The following DNAJB13 variants were observed in gnomAD, a reference collection of about 807,000 sequenced individuals.
The protein encoded by DNAJB13 is dnaJ homolog subfamily B member 13.
Under a neutral mutation model 35.6 loss-of-function variants are expected in DNAJB13, and 22 were observed. The ratio of observed to expected loss-of-function variants is 0.62; its 90% confidence interval spans 0.44 to 0.88. The LOEUF (loss-of-function observed/expected upper bound fraction) is 0.88, where lower values mean the gene tolerates loss of function less well. Ranked by LOEUF, DNAJB13 falls within the 40% of genes least tolerant of loss-of-function variation. The pLI is 0.00. For missense variants in DNAJB13, 370 were observed against 384.3 expected, an observed-to-expected ratio of 0.96 and a Z score of 0.31; for synonymous variants, 136 against 144.2, an observed-to-expected ratio of 0.94 and a Z score of 0.41.
At chr11:73,961,242 T>C (rs1384797630) in intron 3 of DNAJB13, among the ~76,000 whole-genome samples, 1 of 152,140 alleles carries the variant, frequency 6.6e-6, no homozygotes, top group African/African-American at 2.4e-5. Flanking sequence ...ATCGGGCCAC[T>C]GCACTCCAGC....
Position 73,958,402 on chromosome 11 carries a change from T to C in DNAJB13, c.154T>C (p.Tyr52His). ...AEIFRQIAEAYDVLSDPMKRG... is the reference protein window; with the variant it reads ...AEIFRQIAEAHDVLSDPMKRG... ...GATTTTCAGGCAAATAGCAGAGGCCTACGACGTGCTGAGTGACCGTGAGTA... is the reference window on the plus strand; with the variant it reads ...GATTTTCAGGCAAATAGCAGAGGCCCACGACGTGCTGAGTGACCGTGAGTA... The change falls in exon 2 of 8, where the codon TAC becomes CAC. Residue 52 changes from tyrosine (Y) to histidine (H), a missense_variant. Tyr to His is a moderately conservative substitution (Grantham distance 83). Transcript: ENST00000339764. 6.2e-7 allele frequency: 1 copy of C among 1,614,186 alleles called. No homozygotes were observed. The highest frequency in any genetic ancestry group is 8.5e-7 in the Non-Finnish European group (1 of 1,180,020).
intron 5 of DNAJB13, among the ~76,000 whole-genome samples, chr11:73,966,565 C>A (rs192501019): frequency 3.9e-5 from 6 of 152,302 alleles, no homozygotes; most frequent in Admixed American, 2.0e-4. Flanking sequence ...AGATCCCAGT[C>A]TGAACTCCAG....
At chr11:73,964,812 T>TGTGTGC (rs1491290663) in intron 3 of DNAJB13, 66 bp from the exon 4 acceptor site, 223 of 697,866 alleles carry the variant, frequency 3.2e-4, no homozygotes, top group South Asian at 9.7e-4. Flanking sequence ...TGTGTGTGTG[T>TGTGTGC]GCGCGCGCGC....
rs146350695 is a variant in DNAJB13 at position 73,962,142 on chromosome 11, G to A, written c.334+2487G>A. Among the ~76,000 whole-genome samples the A allele has an allele frequency of 1.3e-4, 20 of 152,254 alleles. No individual in the cohort carries two copies. In the East Asian group the frequency reaches 3.7e-3, roughly 28 times the overall value. ...CTTATTGATGGGTAGTTTCTTCCCA[G>A]TCTTTTGCTAATATTGTATTTGTGG... On this transcript the variant is annotated intron_variant, in intron 3 of 7. Transcript: ENST00000339764.
chr11:73,954,517 C>T (rs1950680280), intron 1 of DNAJB13, among the ~76,000 whole-genome samples: 1 of 151,012 alleles, frequency 6.6e-6, no homozygotes, highest in African/African-American at 2.4e-5. Context: ...GTAGTCCCAG[C>T]TACTCGGGAG....
chr11:73,951,041 T>C lies in DNAJB13; in HGVS notation c.-29T>C, dbSNP rs375279519. The C allele has an allele frequency of 6.2e-7, 1 of 1,613,144 alleles. No homozygotes were observed. The highest frequency in any genetic ancestry group is 1.1e-5 in the South Asian group (1 of 90,942). ...CAGCCTTGCTAGAGTCTGAGGACTA[T>C]CCAGGGCCTGACTGCCAGCTAGCCA... On this transcript the variant is annotated 5_prime_UTR_variant, in exon 1 of 8. Coordinates refer to ENST00000339764, the MANE Select transcript of DNAJB13 (RefSeq NM_153614.4).
chr11:73,969,938 T>A, intron 7 of DNAJB13, 23 bp from the exon 8 acceptor site: 2 of 1,597,814 alleles, frequency 1.3e-6, no homozygotes, highest in Non-Finnish European at 1.7e-6. Flanking sequence ...CCCTCTATGC[T>A]CCTTTCTTTC....
chr11:73,968,961 C>T lies in DNAJB13; in HGVS notation c.721-285C>T, dbSNP rs76355536. Among the ~76,000 whole-genome samples, 2,442 of 152,302 alleles carry T rather than the reference C, an allele frequency of 0.016. 60 individuals are homozygous for T. Among genetic ancestry groups the T allele is most frequent in the African/African-American group, 0.056 (2,308 of 41,556 alleles). On this transcript the variant is annotated intron_variant, in intron 6 of 7. Transcript: ENST00000339764. ...CTACCACCACTGCTACCACTTCCTGCCCCACTCCTGAATGGTTTAGGGGCC... is the reference window on the plus strand; with the variant it reads ...CTACCACCACTGCTACCACTTCCTGTCCCACTCCTGAATGGTTTAGGGGCC...
chr11:73,956,664 G>A (rs1487071217), intron 1 of DNAJB13, among the ~76,000 whole-genome samples: 2 of 152,062 alleles, frequency 1.3e-5, no homozygotes, highest in Non-Finnish European at 2.9e-5. Flanking sequence ...TTAGCCAGGC[G>A]TGGTGGCTCG....
rs200436670 is a variant in DNAJB13 at position 73,968,392 on chromosome 11, G to A, written c.654G>A (p.Lys218=). Residue 218 remains lysine, a synonymous_variant, in exon 6 of 8, where the codon AAG becomes AAA. Coordinates refer to ENST00000339764, the MANE Select transcript of DNAJB13 (RefSeq NM_153614.4). Reference sequence around the variant, plus strand: ...ACATCATTTTCATCGTAAAGGAGAAGCTACACCCTCGCTTCCGCAGGGAGA... The same window carrying A: ...ACATCATTTTCATCGTAAAGGAGAAACTACACCCTCGCTTCCGCAGGGAGA... The part of the protein sequence containing the change: ...PADIIFIVKE[K]LHPRFRREND... 1 of 1,614,128 alleles carries A rather than the reference G, an allele frequency of 6.2e-7. No individual in the cohort carries two copies. The highest frequency in any genetic ancestry group is 1.3e-5 in the African/African-American group (1 of 75,018).
chr11:73,964,737 G>A, intron 3 of DNAJB13, 141 bp from the exon 4 acceptor site: 2 of 928,826 alleles, frequency 2.2e-6, no homozygotes, highest in South Asian at 1.4e-5. Context: ...ACACTGAAGA[G>A]GTTGGGGAGC....
intron 2 of DNAJB13, 28 bp downstream of exon 2, chr11:73,958,448 G>A (rs752395903): frequency 5.7e-6 from 9 of 1,592,302 alleles, no homozygotes; most frequent in East Asian, 4.5e-5. Context: ...TGAGCACCCC[G>A]CTTGATTAGG....
At chr11:73,960,129 A>G (rs1442498392) in intron 3 of DNAJB13, among the ~76,000 whole-genome samples, 2 of 152,198 alleles carry the variant, frequency 1.3e-5, no homozygotes, top group Non-Finnish European at 2.9e-5. Flanking sequence ...AACAGAATTC[A>G]TTGAAAAAGA....
At chr11:73,953,944 G>A (rs1366770874) in intron 1 of DNAJB13, among the ~76,000 whole-genome samples, 2 of 150,030 alleles carry the variant, frequency 1.3e-5, no homozygotes, top group Admixed American at 6.7e-5. Flanking sequence ...GCGAGATTGC[G>A]CCACTGCACT....
Position 73,966,223 on chromosome 11 carries a change from G to A in DNAJB13, c.578G>A (p.Arg193His), listed in dbSNP as rs376516482. 22 of 1,613,380 alleles carry A rather than the reference G, an allele frequency of 1.4e-5. No homozygotes were observed. The Middle Eastern group carries it at 4.9e-4, about 36-fold the overall frequency. ...AAGCCCGGTTGGAGGCAGGGCACAC[G>A]CATCACCTTTGAGAAGGAAGGGGAC... ...DVKPGWRQGT[R>H]ITFEKEGDQG... Residue 193 changes from arginine to histidine, a missense_variant, in exon 5 of 8, where the codon CGC becomes CAC. Transcript: ENST00000339764.
intron 3 of DNAJB13, among the ~76,000 whole-genome samples, chr11:73,961,655 A>T (rs1950935014): frequency 6.6e-6 from 1 of 152,212 alleles, no homozygotes; most frequent in African/African-American, 2.4e-5. Flanking sequence ...TACCTGATGA[A>T]CAGAATTCAA....
chr11:73,970,042 C>T lies in DNAJB13; in HGVS notation c.879C>T (p.Phe293=). 1 of 1,611,768 alleles carries T rather than the reference C, an allele frequency of 6.2e-7. No homozygotes were observed. Among genetic ancestry groups the T allele is most frequent in the South Asian group, 1.1e-5 (1 of 90,332 alleles). The part of the protein sequence containing the change: ...DPTKKGDLFI[F]FDIQFPTRLT... ...CTAAGAAAGGGGATCTCTTCATCTT[C>T]TTCGACATCCAGTTCCCCACCCGCC... is the stretch of plus-strand genomic sequence containing the variant. The change falls in exon 8 of 8, where the codon TTC becomes TTT. Residue 293 remains phenylalanine (F), a synonymous_variant. Coordinates refer to ENST00000339764, the MANE Select transcript of DNAJB13 (RefSeq NM_153614.4).
At chr11:73,967,993 G>C in intron 5 of DNAJB13, 1 of 421,970 alleles carries the variant, frequency 2.4e-6, no homozygotes, top group African/African-American at 2.0e-5. Flanking sequence ...TTGGGACAGG[G>C]GTGTCATGCC....
At chr11:73,956,803 CAAAAAAAA>C (rs1163341948) in intron 1 of DNAJB13, among the ~76,000 whole-genome samples, 3 of 75,892 alleles carry the variant, frequency 4.0e-5, no homozygotes, top group African/African-American at 9.0e-5. Context: ...AACTCCATCT[CAAAAAAAA>C]AAAAAAAAAA....
Sources: gnomAD v4.1 joint callset for allele counts (sites outside exome capture counted in the v4.1 genomes callset) on GRCh38, gnomAD v4.1.1 for gene constraint, MANE v1.5 for transcripts, NCBI Gene and HGNC (gene_info 2026-07-23, HGNC 2026-07-21) for gene names.